USP45: variants seen among roughly 807,000 people sequenced by gnomAD.
USP45 encodes ubiquitin specific peptidase 45.
USP45 carries 89 observed loss-of-function variants against 95.8 expected under a neutral mutation model. The observed-to-expected ratio is 0.93, with a 90% CI of 0.78 to 1.11. The LOEUF (loss-of-function observed/expected upper bound fraction) is 1.11. Ranked by LOEUF, USP45 falls within the 50% of genes least tolerant of loss-of-function variation. The pLI is 0.00. For missense variants in USP45, 898 were observed against 942.5 expected, an observed-to-expected ratio of 0.95 and a Z score of 0.62; for synonymous variants, 281 against 316.2, an observed-to-expected ratio of 0.89 and a Z score of 1.18.
chr6:99,491,529 G>C (rs1795177210), intron 5 of USP45, among the ~76,000 whole-genome samples: 1 of 152,122 alleles, frequency 6.6e-6, no homozygotes, highest in African/African-American at 2.4e-5. Context: ...ATTTTTTCAG[G>C]CTGTTAACTC....
intron 5 of USP45, among the ~76,000 whole-genome samples, chr6:99,490,913 G>A (rs1795029270): frequency 6.6e-6 from 1 of 152,100 alleles, no homozygotes; most frequent in African/African-American, 2.4e-5. Flanking sequence ...ATGGAAAAAA[G>A]TTTTCTTTAA....
chr6:99,467,803 ATGTG>A (rs1405340864), intron 10 of USP45, among the ~76,000 whole-genome samples: 3 of 152,114 alleles, frequency 2.0e-5, no homozygotes, highest in East Asian at 1.9e-4. Context: ...CACAGTAACA[ATGTG>A]TGTATGTTTG....
At position 99,482,865 on chromosome 6, in the gene USP45, G is replaced by A; in HGVS notation, c.733C>T (p.Leu245Phe). Residue 245 changes from leucine to phenylalanine, a missense_variant, in exon 8 of 18, where the codon CTT (leucine) becomes TTT (phenylalanine). By Grantham distance (22) the Leu-to-Phe change is conservative. Transcript: ENST00000500704. ...DSQLDPLVVELSRPGPLTSAL... is the reference protein window; with the variant it reads ...DSQLDPLVVEFSRPGPLTSAL... Reference sequence around the variant, plus strand: ...GAGGTCAGTGGTCCAGGCCTTGAAAGTTCCACCACCAATGGGTCCTTTAAA... The same window carrying A: ...GAGGTCAGTGGTCCAGGCCTTGAAAATTCCACCACCAATGGGTCCTTTAAA... 6.4e-7 allele frequency: 1 copy of A among 1,556,296 alleles called. No individual in the cohort carries two copies. Among genetic ancestry groups the A allele is most frequent in the Non-Finnish European group, 8.7e-7 (1 of 1,153,494 alleles).
intron 10 of USP45, chr6:99,468,311 C>T: frequency 1.9e-6 from 1 of 532,056 alleles, no homozygotes. Context: ...GTATCGGTGT[C>T]AATCTGTATA....
intron 15 of USP45, among the ~76,000 whole-genome samples, 200 bp downstream of exon 15, chr6:99,443,365 T>A (rs533938838): frequency 2.0e-5 from 3 of 152,208 alleles, no homozygotes; most frequent in East Asian, 3.8e-4. Flanking sequence ...GCTGCCTAAA[T>A]TTTCAAATAT....
chr6:99,457,101 G>T (rs965461277), intron 13 of USP45, among the ~76,000 whole-genome samples: 2 of 152,148 alleles, frequency 1.3e-5, no homozygotes, highest in Non-Finnish European at 2.9e-5. Context: ...GTCAGACCGG[G>T]TGCTCTCAAA....
rs185659838 is a variant in USP45 at position 99,489,612 on chromosome 6, A to G, written c.479-792T>C. On this transcript the variant is annotated intron_variant, in intron 5 of 17. Transcript: ENST00000500704. ...ACCTAAGTATATGACACATAAGTGCATGTTTTGTGCTTACAGATTTGTATA... is the reference window on the plus strand; with the variant it reads ...ACCTAAGTATATGACACATAAGTGCGTGTTTTGTGCTTACAGATTTGTATA... Among the ~76,000 whole-genome samples the G allele has an allele frequency of 1.2e-3, 183 of 152,340 alleles. 2 individuals are homozygous for G. Among genetic ancestry groups the G allele is most frequent in the African/African-American group, 4.3e-3 (179 of 41,582 alleles).
intron 8 of USP45, among the ~76,000 whole-genome samples, chr6:99,479,732 T>C (rs1348498593): frequency 6.6e-6 from 1 of 152,012 alleles, no homozygotes; most frequent in African/African-American, 2.4e-5. Context: ...ATAAAAGGCA[T>C]GTATGAAAAC....
chr6:99,441,533 C>CAA (rs368801961), intron 15 of USP45, among the ~76,000 whole-genome samples: 8 of 139,026 alleles, frequency 5.8e-5, no homozygotes, highest in South Asian at 4.5e-4. Context: ...ACTCCATCTC[C>CAA]AAAAAAAAAA....
At chr6:99,461,094 G>A (rs34292633) in intron 13 of USP45, 194,072 of 983,640 alleles carry the variant, frequency 0.2, 20,966 homozygotes, top group Non-Finnish European at 0.22. Flanking sequence ...GAAGTATTAA[G>A]GTTTTATGAA....
At chr6:99,509,677 C>G (rs1269864573) in intron 2 of USP45, among the ~76,000 whole-genome samples, 1 of 147,724 alleles carries the variant, frequency 6.8e-6, no homozygotes. Context: ...ATCTAAGTTA[C>G]TTCATGTTAT....
chr6:99,510,299 ATGTG>A, intron 1 of USP45, 69 bp from the exon 2 acceptor site: 1 of 1,111,886 alleles, frequency 9.0e-7, no homozygotes, highest in Non-Finnish European at 1.3e-6. Context: ...ATTTTATTTA[ATGTG>A]TATTAAAACT....
intron 13 of USP45, chr6:99,461,183 C>G (rs982232485): frequency 1.9e-5 from 19 of 985,092 alleles, no homozygotes; most frequent in Admixed American, 6.2e-5. Context: ...GGATTTCTTT[C>G]TGAACTAATG....
At chr6:99,462,698 G>A (rs1281970278) in intron 13 of USP45, 2 of 986,242 alleles carry the variant, frequency 2.0e-6, no homozygotes, top group Non-Finnish European at 2.4e-6. Flanking sequence ...GTTAAATTCA[G>A]GCCCAGCGCT....
At chr6:99,459,946 C>CA (rs1786018397) in intron 13 of USP45, among the ~76,000 whole-genome samples, 1 of 152,148 alleles carries the variant, frequency 6.6e-6, no homozygotes, top group African/African-American at 2.4e-5. Flanking sequence ...TCTTTTCCCT[C>CA]AGACCTTTTG....
rs1202523819 is a variant in USP45, at chr6:99,433,865, G to A, written c.*1851C>T. 1.3e-5 allele frequency: 2 copies of A among 152,172 alleles called. No individual in the cohort carries two copies. The highest frequency in any genetic ancestry group is 2.9e-5 in the Non-Finnish European group (2 of 68,012). 9.4% of individuals were successfully genotyped at this position (152,172 alleles called of 1,614,324 possible). On this transcript the variant is annotated 3_prime_UTR_variant, in exon 18 of 18. Coordinates refer to ENST00000500704, the MANE Select transcript of USP45 (RefSeq NM_001346022.3). ...GCATGCCTCTTAACAGTATCTTTCT[G>A]TAAGAAAAATTAGGTGATCTATATT... is the stretch of plus-strand genomic sequence containing the variant.
chr6:99,487,911 A>G (rs894468529), intron 7 of USP45, among the ~76,000 whole-genome samples: 1 of 152,188 alleles, frequency 6.6e-6, no homozygotes. Context: ...GGTTATAGGC[A>G]TTTTGCTCAA....
intron 9 of USP45, among the ~76,000 whole-genome samples, chr6:99,472,108 T>C (rs1317714303): frequency 6.6e-6 from 1 of 151,690 alleles, no homozygotes; most frequent in East Asian, 1.9e-4. Flanking sequence ...ATTATAGAGG[T>C]AAAACAGAAA....
At chr6:99,501,985 A>C (rs960443130) in intron 5 of USP45, 2 of 1,303,250 alleles carry the variant, frequency 1.5e-6, no homozygotes, top group African/African-American at 3.0e-5. Context: ...TATGCTGAAG[A>C]GATGAATCAG....
Sources: allele counts gnomAD v4.1 joint callset (sites outside exome capture counted in the v4.1 genomes callset), GRCh38; gene constraint gnomAD v4.1.1; transcripts MANE v1.5; gene names NCBI Gene and HGNC (gene_info 2026-07-23, HGNC 2026-07-21).